CNTNAP5: variants seen among roughly 807,000 people sequenced by gnomAD.
CNTNAP5 encodes the protein contactin-associated protein-like 5.
A neutral mutation model predicts 150.2 loss-of-function variants in CNTNAP5; 72 were observed. The ratio of observed to expected loss-of-function variants is 0.48; its 90% CI spans 0.40 to 0.58. The LOEUF is 0.58. Ranked by LOEUF, CNTNAP5 falls within the 20% of genes least tolerant of loss-of-function variation. CNTNAP5 has a pLI of 0.00. For synonymous variants in CNTNAP5, 672 were observed against 619.8 expected, an observed-to-expected ratio of 1.08 and a Z score of -1.25; for missense variants, 1,636 against 1,626.2, an observed-to-expected ratio of 1.01 and a Z score of -0.10.
chr2:124,341,214 A>G (rs1689606438), intron 3 of CNTNAP5, among the ~76,000 whole-genome samples: 1 of 152,122 alleles, frequency 6.6e-6, no homozygotes, highest in Admixed American at 6.5e-5. Context: ...CATTTCTTCC[A>G]AAAGAAGTTT....
chr2:124,608,805 C>T (rs995868807), intron 11 of CNTNAP5, among the ~76,000 whole-genome samples: 1 of 151,970 alleles, frequency 6.6e-6, no homozygotes, highest in Middle Eastern at 3.4e-3. Flanking sequence ...ATTAGCTGGG[C>T]GTGGTGGCAT....
At chr2:124,782,948 C>G (rs1377161397) in intron 17 of CNTNAP5, among the ~76,000 whole-genome samples, 1 of 152,194 alleles carries the variant, frequency 6.6e-6, no homozygotes, top group African/African-American at 2.4e-5. Flanking sequence ...GTTTCTCACA[C>G]CAGAATGCTG....
chr2:124,136,991 C>A (rs1282307618), intron 1 of CNTNAP5, among the ~76,000 whole-genome samples: 1 of 152,038 alleles, frequency 6.6e-6, no homozygotes, highest in East Asian at 1.9e-4. Context: ...ACCTCTCTAA[C>A]CTAGGCTGGA....
chr2:124,244,413 A>G (rs1475471489), intron 3 of CNTNAP5, among the ~76,000 whole-genome samples: 1 of 152,108 alleles, frequency 6.6e-6, no homozygotes, highest in Non-Finnish European at 1.5e-5. Context: ...TGGGGGCAGG[A>G]GACTTTCCCC....
chr2:124,598,885 C>G (rs1024049591), intron 11 of CNTNAP5, among the ~76,000 whole-genome samples: 5 of 150,546 alleles, frequency 3.3e-5, no homozygotes, highest in Non-Finnish European at 7.4e-5. Context: ...GCGCAATATT[C>G]GGGTGGGAGT....
intron 3 of CNTNAP5, among the ~76,000 whole-genome samples, chr2:124,321,443 CA>C (rs5834060): frequency 0.54 from 71,552 of 132,490 alleles, 18,495 homozygotes; most frequent in African/African-American, 0.69. Flanking sequence ...AACTCTATCT[CA>C]AAAAAAAAAA....
chr2:124,257,258 T>C (rs1457798878), intron 3 of CNTNAP5, among the ~76,000 whole-genome samples: 1 of 152,218 alleles, frequency 6.6e-6, no homozygotes. Flanking sequence ...CAGTACTCTT[T>C]AAATATTCAT....
intron 12 of CNTNAP5, among the ~76,000 whole-genome samples, chr2:124,638,275 G>A (rs1678015202): frequency 6.9e-6 from 1 of 145,194 alleles, no homozygotes; most frequent in Non-Finnish European, 1.6e-5. Context: ...TTTCAGCAAT[G>A]TCAGTATATT....
At chr2:124,123,388 G>A (rs938825655) in intron 1 of CNTNAP5, among the ~76,000 whole-genome samples, 2 of 152,150 alleles carry the variant, frequency 1.3e-5, no homozygotes, top group Admixed American at 1.3e-4. Flanking sequence ...GCTTGAGTAG[G>A]TAAACAAAGC....
intron 1 of CNTNAP5, among the ~76,000 whole-genome samples, chr2:124,142,545 T>G (rs1684141810): frequency 1.4e-5 from 2 of 139,144 alleles, no homozygotes; most frequent in Non-Finnish European, 3.1e-5. Context: ...GACTACTGGA[T>G]ACATAACGAA....
chr2:124,833,494 A>G (rs1030558555), intron 19 of CNTNAP5, among the ~76,000 whole-genome samples: 3 of 152,140 alleles, frequency 2.0e-5, no homozygotes, highest in African/African-American at 7.2e-5. Flanking sequence ...AGAAAATAGA[A>G]TTAAGCTGTT....
rs2104772359 is a variant in CNTNAP5 at position 124,914,876 on chromosome 2, C to T, written c.*588C>T. On this transcript the variant is annotated 3_prime_UTR_variant, in exon 24 of 24. Coordinates refer to ENST00000682447, the MANE Select transcript of CNTNAP5 (RefSeq NM_001367498.1). ...ACCCTTTTTCACTATGACCCTTAGACCCTGAGTATTTTCAAATATATGATT... is the reference window on the plus strand; with the variant it reads ...ACCCTTTTTCACTATGACCCTTAGATCCTGAGTATTTTCAAATATATGATT... 6.6e-6 allele frequency: 1 copy of T among 152,112 alleles called. No homozygotes were observed. The highest frequency in any genetic ancestry group is 2.4e-5 in the African/African-American group (1 of 41,480). The allele number at this position is 152,112 out of a possible 1,614,324, so 9.4% of individuals were successfully genotyped here.
At chr2:124,057,727 G>A (rs1385884970) in intron 1 of CNTNAP5, among the ~76,000 whole-genome samples, 1 of 150,416 alleles carries the variant, frequency 6.6e-6, no homozygotes, top group East Asian at 2.1e-4. Context: ...ATCTTTTAAT[G>A]GATAAACAAG....
intron 13 of CNTNAP5, among the ~76,000 whole-genome samples, chr2:124,678,015 G>C (rs1036839180): frequency 2.0e-5 from 3 of 151,878 alleles, no homozygotes. Context: ...GTTTCTTTAA[G>C]TTCCCACATG....
intron 1 of CNTNAP5, among the ~76,000 whole-genome samples, chr2:124,189,487 C>T (rs994836504): frequency 3.9e-5 from 6 of 152,122 alleles, no homozygotes; most frequent in African/African-American, 9.6e-5. Context: ...CCTCAGTTGC[C>T]GCAACTTTGA....
chr2:124,216,676 G>A (rs898876490), intron 1 of CNTNAP5, among the ~76,000 whole-genome samples: 10 of 152,126 alleles, frequency 6.6e-5, no homozygotes, highest in African/African-American at 2.2e-4. Flanking sequence ...TGCTGAGAAT[G>A]ATAGTTTCCA....
chr2:124,026,653 C>T (rs1181858636), intron 1 of CNTNAP5, among the ~76,000 whole-genome samples: 1 of 152,220 alleles, frequency 6.6e-6, no homozygotes, highest in Non-Finnish European at 1.5e-5. Flanking sequence ...TGCAATTAAG[C>T]CATCTGTGTT....
At chr2:124,879,683 T>A (rs1677928627) in intron 21 of CNTNAP5, among the ~76,000 whole-genome samples, 1 of 152,174 alleles carries the variant, frequency 6.6e-6, no homozygotes, top group Non-Finnish European at 1.5e-5. Context: ...CTGTGAAGTG[T>A]CTGGCGCTTA....
intron 13 of CNTNAP5, among the ~76,000 whole-genome samples, chr2:124,705,594 G>A (rs745603133): frequency 2.6e-5 from 4 of 151,952 alleles, no homozygotes; most frequent in Non-Finnish European, 5.9e-5. Flanking sequence ...CATATAGTAG[G>A]CACTTTAAAT....
Sources: gnomAD v4.1 joint callset for allele counts (sites outside exome capture counted in the v4.1 genomes callset) on GRCh38, gnomAD v4.1.1 for gene constraint, MANE v1.5 for transcripts, NCBI Gene and HGNC (gene_info 2026-07-23, HGNC 2026-07-21) for gene names.